The following ZFR variants were observed in gnomAD, a reference collection of about 807,000 sequenced individuals.
The protein encoded by ZFR is zinc finger RNA binding protein.
A neutral mutation model predicts 130.7 loss-of-function variants in ZFR; 19 were observed. That is an observed-to-expected ratio of 0.15 (90% CI 0.10 to 0.21). The LOEUF is 0.21. Ranked by LOEUF, ZFR falls within the 10% of genes least tolerant of loss-of-function variation. The probability of loss-of-function intolerance (pLI) is 1.00; values close to 1 mark genes in which losing one functional copy is unlikely to be tolerated. For synonymous variants in ZFR, 466 were observed against 456.9 expected, an observed-to-expected ratio of 1.02 and a Z score of -0.25; for missense variants, 872 against 1,321.5, an observed-to-expected ratio of 0.66 and a Z score of 5.27.
At chr5:32,404,237 A>G in intron 6 of ZFR, 140 bp from the exon 7 acceptor site, 2 of 630,856 alleles carry the variant, frequency 3.2e-6, no homozygotes, top group East Asian at 5.5e-5. Context: ...GGCATGTGGC[A>G]TTCGTTACAT....
At chr5:32,359,359 T>C (rs757713555) in intron 19 of ZFR, among the ~76,000 whole-genome samples, 4 of 152,112 alleles carry the variant, frequency 2.6e-5, no homozygotes, top group Non-Finnish European at 5.9e-5. Context: ...GTGTATTTTA[T>C]GCATGGCCCA....
In ZFR at chr5:32,415,199, A is replaced by G; in HGVS notation, c.566-12T>C. 1.2e-6 allele frequency: 2 copies of G among 1,612,272 alleles called. No individual in the cohort carries two copies. Among genetic ancestry groups the G allele is most frequent in the Non-Finnish European group, 1.7e-6 (2 of 1,178,646 alleles). On this transcript the variant is annotated splice_polypyrimidine_tract_variant and intron_variant, in intron 4 of 19. Transcript: ENST00000265069. Reference sequence around the variant, plus strand: ...ACCTGCTTTGGGGGCTGAAGTAGGAAAGAGACATCAGAAAATTAGAAGAGT... The same window carrying G: ...ACCTGCTTTGGGGGCTGAAGTAGGAGAGAGACATCAGAAAATTAGAAGAGT...
Position 32,441,316 on chromosome 5 carries a change from GTATTCAATGAT to G in ZFR, c.137+2902_137+2912del, listed in dbSNP as rs1470765783. Among the ~76,000 whole-genome samples the G allele has an allele frequency of 2.0e-4, 30 of 152,218 alleles. No individual in the cohort carries two copies. In the East Asian group the frequency reaches 5.4e-3, roughly 27 times the overall value. On this transcript the variant is annotated intron_variant, in intron 2 of 19. Coordinates refer to ENST00000265069, the MANE Select transcript of ZFR (RefSeq NM_016107.5). ...TAGGTGTAGGATGTTTACTTTATCT[GTATTCAATGAT>G]AGGTGAAGCAATTCAATCACATCAT...
intron 6 of ZFR, among the ~76,000 whole-genome samples, chr5:32,406,502 A>G (rs767057227): frequency 6.6e-6 from 1 of 152,240 alleles, no homozygotes; most frequent in Non-Finnish European, 1.5e-5. Flanking sequence ...TTTGACTACA[A>G]AATTTTAAAA....
chr5:32,412,016 T>A (rs370311873), intron 5 of ZFR, among the ~76,000 whole-genome samples: 17 of 152,274 alleles, frequency 1.1e-4, no homozygotes, highest in African/African-American at 4.1e-4. Context: ...GAGGGAACTC[T>A]AGAGAAGAAT....
intron 8 of ZFR, among the ~76,000 whole-genome samples, chr5:32,402,884 G>A (rs1753491740): frequency 6.6e-6 from 1 of 151,356 alleles, no homozygotes; most frequent in Non-Finnish European, 1.5e-5. Flanking sequence ...TAAATGACTA[G>A]AGGAAGACAC....
intron 17 of ZFR, among the ~76,000 whole-genome samples, chr5:32,376,689 G>C (rs1228601694): frequency 6.6e-6 from 1 of 151,048 alleles, no homozygotes; most frequent in Non-Finnish European, 1.5e-5. Context: ...AAAAATTAAT[G>C]AATCAAAATT....
intron 11 of ZFR, among the ~76,000 whole-genome samples, chr5:32,393,057 T>C (rs970567176): frequency 2.6e-5 from 4 of 152,184 alleles, no homozygotes; most frequent in African/African-American, 9.6e-5. Flanking sequence ...ATTCTAAATG[T>C]ACAGTGAAAT....
Position 32,385,551 on chromosome 5 carries a change from T to C in ZFR, c.2598A>G (p.Thr866=). ...CTTCTCGAATAATTGGAGATGTCAG[T>C]GTGATAGTGACTTGCATTTTGGGTT... The part of the protein sequence containing the change: ...CVEPKMQVTI[T]LTSPIIREEN... Residue 866 remains threonine (T), a synonymous_variant, in exon 15 of 20, where the codon ACA becomes ACG. Coordinates refer to ENST00000265069, the MANE Select transcript of ZFR (RefSeq NM_016107.5). 6.2e-7 allele frequency: 1 copy of C among 1,613,470 alleles called. No homozygotes were observed.
chr5:32,427,324 G>A (rs1754095118), intron 2 of ZFR, among the ~76,000 whole-genome samples: 1 of 144,802 alleles, frequency 6.9e-6, no homozygotes, highest in South Asian at 2.2e-4. Flanking sequence ...GGTCAGGGCT[G>A]CAGGTGGCCG....
At chr5:32,368,353 C>A (rs934491465) in intron 17 of ZFR, among the ~76,000 whole-genome samples, 1 of 152,132 alleles carries the variant, frequency 6.6e-6, no homozygotes, top group Non-Finnish European at 1.5e-5. Flanking sequence ...CTCTTGCCTC[C>A]GCCTCCCAAG....
chr5:32,390,869 T>TA (rs1260639424), intron 11 of ZFR, among the ~76,000 whole-genome samples: 1 of 152,228 alleles, frequency 6.6e-6, no homozygotes, highest in African/African-American at 2.4e-5. Context: ...AAGGCAGTGA[T>TA]AAATGGCAAG....
intron 15 of ZFR, among the ~76,000 whole-genome samples, chr5:32,385,102 C>T (rs975264827): frequency 4.6e-5 from 7 of 152,054 alleles, no homozygotes; most frequent in African/African-American, 1.7e-4. Flanking sequence ...TTTGTGAAAA[C>T]TCTTGTCTTT....
At chr5:32,384,812 T>C (rs1295488828) in intron 15 of ZFR, among the ~76,000 whole-genome samples, 1 of 152,182 alleles carries the variant, frequency 6.6e-6, no homozygotes, top group African/African-American at 2.4e-5. Flanking sequence ...CAGGATTTCA[T>C]ATTCTATAGT....
chr5:32,407,846 AGT>A (rs1216984317), intron 5 of ZFR, among the ~76,000 whole-genome samples: 1 of 152,152 alleles, frequency 6.6e-6, no homozygotes, highest in African/African-American at 2.4e-5. Flanking sequence ...GCTTATGTTC[AGT>A]GATTTACAGA....
intron 17 of ZFR, among the ~76,000 whole-genome samples, chr5:32,376,566 C>T (rs1266769736): frequency 6.6e-6 from 1 of 151,546 alleles, no homozygotes; most frequent in African/African-American, 2.4e-5. Context: ...ACTACAGCTG[C>T]CACTGCACTC....
intron 5 of ZFR, among the ~76,000 whole-genome samples, chr5:32,410,796 G>A (rs918940631): frequency 1.3e-5 from 2 of 151,938 alleles, no homozygotes; most frequent in African/African-American, 4.8e-5. Flanking sequence ...GACCAAAATT[G>A]TAGCTGCCAA....
intron 19 of ZFR, among the ~76,000 whole-genome samples, chr5:32,358,901 T>C (rs1434822917): frequency 1.3e-5 from 2 of 152,062 alleles, no homozygotes; most frequent in Non-Finnish European, 2.9e-5. Context: ...CATTTTTCTT[T>C]TATTAAAATT....
At chr5:32,382,140 C>CA (rs909886716) in intron 15 of ZFR, among the ~76,000 whole-genome samples, 7 of 151,956 alleles carry the variant, frequency 4.6e-5, no homozygotes, top group African/African-American at 1.7e-4. Context: ...CATTCCTACT[C>CA]AAAAATACAA....
Sources: gnomAD v4.1 joint callset for allele counts (sites outside exome capture counted in the v4.1 genomes callset) on GRCh38, gnomAD v4.1.1 for gene constraint, MANE v1.5 for transcripts, NCBI Gene and HGNC (gene_info 2026-07-23, HGNC 2026-07-21) for gene names.